ANKRD30BL: variants seen among roughly 807,000 people sequenced by gnomAD.
ANKRD30BL encodes the protein ankyrin repeat domain 30B like, also known as putative ankyrin repeat domain-containing protein 30B-like.
A neutral mutation model predicts 18.4 loss-of-function variants in ANKRD30BL; 20 were observed. That is an observed-to-expected ratio of 1.09 (90% CI 0.77 to 1.58). The LOEUF is 1.58. Among genes scored for constraint, ANKRD30BL ranks in the 40% most tolerant of loss-of-function variants. The probability of loss-of-function intolerance (pLI) is 0.00; values close to 1 mark genes in which losing one functional copy is unlikely to be tolerated. For synonymous variants in ANKRD30BL, 72 were observed against 100.9 expected (o/e 0.71, Z 1.72); for missense variants, 224 against 268.6 (o/e 0.83, Z 1.16).
At chr2:132,157,710 G>A (rs568416810) in intron 1 of ANKRD30BL, among the ~76,000 whole-genome samples, 7 of 151,978 alleles carry the variant, frequency 4.6e-5, no homozygotes, top group Non-Finnish European at 1.0e-4. Context: ...ACCTTTCTCT[G>A]CCTCAATTTT....
intron 1 of ANKRD30BL, among the ~76,000 whole-genome samples, chr2:132,196,151 A>G (rs558105427): frequency 1.2e-4 from 18 of 150,948 alleles, no homozygotes; most frequent in African/African-American, 4.2e-4. Flanking sequence ...CAAAAAAAAA[A>G]AAAAGAAAAA....
At chr2:132,198,417 G>A (rs1227714294) in intron 1 of ANKRD30BL, among the ~76,000 whole-genome samples, 3 of 144,896 alleles carry the variant, frequency 2.1e-5, no homozygotes, top group South Asian at 2.3e-4. Flanking sequence ...TCTGCCTCCC[G>A]GGTTCACACC....
chr2:132,209,264 T>G (rs868587942), intron 1 of ANKRD30BL, among the ~76,000 whole-genome samples: 4 of 152,064 alleles, frequency 2.6e-5, no homozygotes, highest in Non-Finnish European at 5.9e-5. Flanking sequence ...TTCTTTTAAT[T>G]GAGCAGTTTT....
intron 1 of ANKRD30BL, among the ~76,000 whole-genome samples, chr2:132,241,901 T>G (rs199569103): frequency 6.7e-6 from 1 of 150,238 alleles, no homozygotes; most frequent in Non-Finnish European, 1.5e-5. Context: ...TTCTTTGTGA[T>G]GATTGCATTC....
chr2:132,221,754 G>A (rs1197330850), intron 1 of ANKRD30BL, among the ~76,000 whole-genome samples: 16 of 100,752 alleles, frequency 1.6e-4, no homozygotes, highest in South Asian at 6.5e-4. Flanking sequence ...GCCTCTGCCC[G>A]GCCGCCCCTA....
At chr2:132,180,880 G>A (rs1688448470) in intron 1 of ANKRD30BL, among the ~76,000 whole-genome samples, 2 of 152,144 alleles carry the variant, frequency 1.3e-5, no homozygotes, top group Admixed American at 1.3e-4. Context: ...AGGCGAGGTG[G>A]CTTATGCCTG....
At position 132,161,536 on chromosome 2, in the gene ANKRD30BL, A is replaced by G. The variant is rs1210647562; in HGVS notation, c.170T>C (p.Met57Thr). 2 of 1,456,682 alleles carry G rather than the reference A, an allele frequency of 1.4e-6. No homozygotes were observed. Among genetic ancestry groups the G allele is most frequent in the Non-Finnish European group, 9.4e-7 (1 of 1,063,416 alleles). The allele number at this position is 1,456,682 out of a possible 1,614,324, so 90.2% of individuals were successfully genotyped here. The part of the protein sequence containing the change: ...SRGQAWKLER[M>T]MKKTTMDLNI... ...CAGGTCCATTGTCGTCTTCTTCATC[A>G]TCCTCTCCAGCTTCCAGGCTTGGCC... is the stretch of plus-strand genomic sequence containing the variant. The change falls in exon 1 of 6, where the codon ATG becomes ACG. Residue 57 changes from methionine (M) to threonine (T), a missense_variant. Physicochemically the swap from Met to Thr is moderately conservative, Grantham distance 81. Around this residue, in one of 3 missense-constraint regions of ANKRD30BL, gnomAD observed 131 missense variants for 128.8 expected, o/e 1.02. Transcript: ENST00000409867.
intron 1 of ANKRD30BL, among the ~76,000 whole-genome samples, chr2:132,221,379 GC>G (rs1158272107): frequency 7.2e-6 from 1 of 139,610 alleles, no homozygotes; most frequent in East Asian, 2.2e-4. Flanking sequence ...GGGGGGGTCA[GC>G]CCCCTGCCCG....
intron 1 of ANKRD30BL, among the ~76,000 whole-genome samples, chr2:132,225,244 G>A (rs62166060): frequency 6.6e-6 from 1 of 151,436 alleles, no homozygotes; most frequent in Admixed American, 6.6e-5. Context: ...GATAGAGCAG[G>A]TTTGAAACAC....
intron 1 of ANKRD30BL, among the ~76,000 whole-genome samples, chr2:132,178,692 CA>C (rs1688405307): frequency 6.6e-6 from 1 of 151,268 alleles, no homozygotes; most frequent in Non-Finnish European, 1.5e-5. Flanking sequence ...TTAGTTGTAT[CA>C]AAATGTAGAA....
At chr2:132,203,925 T>C (rs1450856236) in intron 1 of ANKRD30BL, among the ~76,000 whole-genome samples, 6 of 152,044 alleles carry the variant, frequency 3.9e-5, no homozygotes, top group African/African-American at 1.5e-4. Context: ...ACTTTCAACA[T>C]TGAAGATTTT....
At chr2:132,169,013 G>A (rs1024160191) in intron 1 of ANKRD30BL, among the ~76,000 whole-genome samples, 6 of 151,758 alleles carry the variant, frequency 4.0e-5, no homozygotes, top group African/African-American at 1.5e-4. Flanking sequence ...TGGGATTATT[G>A]CCACCATTTT....
Position 132,161,493 on chromosome 2 carries a change from C to A in ANKRD30BL, c.213G>T (p.Lys71Asn). The change falls in exon 1 of 6, where the codon AAG becomes AAT. Residue 71 changes from lysine to asparagine, a missense_variant. Lys to Asn is a moderately conservative substitution (Grantham distance 94, BLOSUM62 0). This residue lies in a region of ANKRD30BL where 131 missense variants were observed against 128.8 expected (regional missense o/e 1.02). Coordinates refer to ENST00000409867, the MANE Select transcript of ANKRD30BL (RefSeq NM_001358416.1). ...GCTCAGGCAGGGCCTGGTACCTCTT[C>A]TTCGCATCTCTTATGTTCAGGTCCA... ...TTMDLNIRDA[K>N]KRTALYWACA... 1 of 1,456,336 alleles carries A rather than the reference C, an allele frequency of 6.9e-7. No homozygotes were observed. The highest frequency in any genetic ancestry group is 2.5e-5 in the East Asian group (1 of 40,400). 90.2% of individuals were successfully genotyped at this position (1,456,336 alleles called of 1,614,324 possible).
chr2:132,231,754 G>C (rs1413056497), intron 1 of ANKRD30BL, among the ~76,000 whole-genome samples: 1 of 152,188 alleles, frequency 6.6e-6, no homozygotes. Flanking sequence ...TGGCAGCGAG[G>C]CTGGGGGAGG....
intron 1 of ANKRD30BL, among the ~76,000 whole-genome samples, chr2:132,157,880 A>AC (rs1687953635): frequency 6.6e-6 from 1 of 152,208 alleles, no homozygotes; most frequent in African/African-American, 2.4e-5. Flanking sequence ...AACAAAGAAA[A>AC]CATTTTAAGT....
At chr2:132,231,667 G>A (rs775031508) in intron 1 of ANKRD30BL, among the ~76,000 whole-genome samples, 22 of 152,256 alleles carry the variant, frequency 1.4e-4, no homozygotes, top group East Asian at 3.9e-4. Context: ...ATTATATCCC[G>A]CACCTGGCTC....
intron 1 of ANKRD30BL, among the ~76,000 whole-genome samples, chr2:132,205,372 A>G (rs1313070060): frequency 2.0e-5 from 3 of 148,182 alleles, no homozygotes; most frequent in Non-Finnish European, 4.4e-5. Context: ...GCACTTTGGG[A>G]GGCCGAGGCG....
intron 1 of ANKRD30BL, among the ~76,000 whole-genome samples, chr2:132,241,603 G>A (rs575208335): frequency 5.3e-5 from 8 of 151,918 alleles, no homozygotes; most frequent in African/African-American, 1.4e-4. Flanking sequence ...TTTTGATACA[G>A]CAGTTTTGAA....
chr2:132,196,432 A>G (rs1022843132), intron 1 of ANKRD30BL, among the ~76,000 whole-genome samples: 26 of 150,552 alleles, frequency 1.7e-4, no homozygotes, highest in Admixed American at 1.5e-3. Context: ...CCGGGGCAAC[A>G]GAGTAAGACT....
Sources: allele counts gnomAD v4.1 joint callset (sites outside exome capture counted in the v4.1 genomes callset), GRCh38; gene constraint gnomAD v4.1.1; regional missense constraint gnomAD v4.1.1; transcripts MANE v1.5; gene names NCBI Gene and HGNC (gene_info 2026-07-23, HGNC 2026-07-21).